TEX29: variants seen among roughly 807,000 people sequenced by gnomAD.
The protein encoded by TEX29 is testis expressed 29.
TEX29 carries 26 observed loss-of-function variants against 18.2 expected under a neutral mutation model. The ratio of observed to expected loss-of-function variants is 1.43; its 90% CI spans 1.04 to 1.98. The LOEUF is 1.98. TEX29 is among the 30% of genes most tolerant of loss of function. TEX29 has a pLI of 0.00. For missense variants in TEX29, 177 were observed against 194.2 expected (o/e 0.91, Z 0.53); for synonymous variants, 83 against 78.5 (o/e 1.06, Z -0.31).
chr13:111,322,565 G>A (rs2093666550), intron 2 of TEX29, among the ~76,000 whole-genome samples: 1 of 152,126 alleles, frequency 6.6e-6, no homozygotes, highest in African/African-American at 2.4e-5. Context: ...GACTGGTGGG[G>A]GTCATCTCAG....
chr13:111,323,286 G>A (rs557786928), intron 2 of TEX29, among the ~76,000 whole-genome samples: 7 of 152,338 alleles, frequency 4.6e-5, no homozygotes, highest in East Asian at 1.9e-4. Context: ...CCTGGATGGC[G>A]GGTGACCTGG....
chr13:111,326,866 C>T (rs1044822439), intron 2 of TEX29, among the ~76,000 whole-genome samples: 3 of 152,150 alleles, frequency 2.0e-5, no homozygotes, highest in Non-Finnish European at 2.9e-5. Flanking sequence ...GAATTGCACT[C>T]CAGGAAAAAG....
intron 2 of TEX29, among the ~76,000 whole-genome samples, chr13:111,321,396 G>A (rs1173526437): frequency 6.6e-6 from 1 of 152,182 alleles, no homozygotes; most frequent in East Asian, 1.9e-4. Context: ...GGGACTGGAA[G>A]GAACCACCGG....
chr13:111,325,332 T>A (rs2093671080), intron 2 of TEX29, among the ~76,000 whole-genome samples: 1 of 152,234 alleles, frequency 6.6e-6, no homozygotes, highest in African/African-American at 2.4e-5. Flanking sequence ...GCTCCAGCCG[T>A]CCTGGCTGTG....
At chr13:111,322,308 C>T (rs144126716) in intron 2 of TEX29, among the ~76,000 whole-genome samples, 2,225 of 152,322 alleles carry the variant, frequency 0.015, 19 homozygotes, top group Non-Finnish European at 0.026. Flanking sequence ...GGGAACGGGC[C>T]GCTCTTGTGG....
At chr13:111,343,399 C>T (rs1406235431) in intron 5 of TEX29, among the ~76,000 whole-genome samples, 1 of 151,884 alleles carries the variant, frequency 6.6e-6, no homozygotes, top group East Asian at 1.9e-4. Context: ...GGTGCCCTGG[C>T]CGCCTGGTGG....
intron 3 of TEX29, among the ~76,000 whole-genome samples, chr13:111,338,419 C>T (rs1202073167): frequency 1.3e-5 from 2 of 152,144 alleles, no homozygotes; most frequent in Non-Finnish European, 2.9e-5. Context: ...GAAAAGAACA[C>T]GGCCCTGCTG....
In TEX29 at chr13:111,339,493, G is replaced by A. The variant is rs1244139934; in HGVS notation, c.170-370G>A. The A allele has an allele frequency of 3.2e-4, 128 of 402,678 alleles. 1 individual carries two copies. Among genetic ancestry groups the A allele is most frequent in the African/African-American group, 9.6e-4 (46 of 48,074 alleles). 24.9% of individuals were successfully genotyped at this position (402,678 alleles called of 1,614,324 possible). ...ACCCCGTGGGTCAGGAGCCAGCGCC[G>A]TCTCTCAATGCACCCCCGGGGGTCA... is the stretch of plus-strand genomic sequence containing the variant. On this transcript the variant is annotated intron_variant, in intron 3 of 5. Transcript: ENST00000283547.
intron 4 of TEX29, 53 bp downstream of exon 4, chr13:111,339,985 C>G: frequency 6.4e-7 from 1 of 1,554,104 alleles, no homozygotes; most frequent in East Asian, 2.2e-5. Flanking sequence ...ACTCACCTCT[C>G]CTGGCCGCAG....
At chr13:111,343,454 T>C (rs2093700030) in intron 5 of TEX29, among the ~76,000 whole-genome samples, 1 of 152,156 alleles carries the variant, frequency 6.6e-6, no homozygotes, top group African/African-American at 2.4e-5. Context: ...GGGTACTCTT[T>C]GTGGTGCCCT....
upstream of TEX29, among the ~76,000 whole-genome samples, chr13:111,318,062 C>A (rs1271223297): frequency 6.6e-6 from 1 of 152,146 alleles, no homozygotes; most frequent in Non-Finnish European, 1.5e-5. Flanking sequence ...TTTGAGGAAA[C>A]ACAGTTCAGC....
At chr13:111,323,828 C>T (rs1728999660) in intron 2 of TEX29, among the ~76,000 whole-genome samples, 1 of 152,232 alleles carries the variant, frequency 6.6e-6, no homozygotes, top group African/African-American at 2.4e-5. Flanking sequence ...ATGCCAGCTC[C>T]CTGAACCTGC....
At chr13:111,343,234 G>A (rs1226143785) in intron 5 of TEX29, among the ~76,000 whole-genome samples, 1 of 152,188 alleles carries the variant, frequency 6.6e-6, no homozygotes, top group African/African-American at 2.4e-5. Context: ...AGCTCCTGGG[G>A]AGGGGGCAAG....
intron 1 of TEX29, 32 bp downstream of exon 1, chr13:111,320,794 G>A: frequency 1.3e-6 from 2 of 1,510,264 alleles, no homozygotes; most frequent in South Asian, 1.1e-5. Context: ...CCTGGTGTGA[G>A]CCGCCCGCTC....
intron 3 of TEX29, among the ~76,000 whole-genome samples, chr13:111,332,183 G>A (rs2093683719): frequency 6.6e-6 from 1 of 152,106 alleles, no homozygotes; most frequent in Non-Finnish European, 1.5e-5. Flanking sequence ...TCCATGAACA[G>A]GGGTAGTCTT....
intron 3 of TEX29, among the ~76,000 whole-genome samples, chr13:111,336,802 G>C (rs7321711): frequency 5.3e-5 from 8 of 152,192 alleles, no homozygotes; most frequent in African/African-American, 1.9e-4. Context: ...GTAATAAATA[G>C]TGTTGCTAGA....
In TEX29 at chr13:111,339,886, T is replaced by C. The variant is rs1392464737; in HGVS notation, c.193T>C (p.Leu65=). Reference sequence around the variant, plus strand: ...AGTTTACATCCACGTGTTCTCTGCCTTGATTGTGATCATCGCTGGGGCCTT... The same window carrying C: ...AGTTTACATCCACGTGTTCTCTGCCCTGATTGTGATCATCGCTGGGGCCTT... The part of the protein sequence containing the change: ...VPIYIHVFSA[L]IVIIAGAFVI... Residue 65 remains leucine, a synonymous_variant, in exon 4 of 6, where the codon TTG becomes CTG. Transcript: ENST00000283547. 1 of 1,614,196 alleles carries C rather than the reference T, an allele frequency of 6.2e-7. No individual in the cohort carries two copies. Among genetic ancestry groups the C allele is most frequent in the East Asian group, 2.2e-5 (1 of 44,888 alleles).
chr13:111,334,292 T>C (rs180837224), intron 3 of TEX29, among the ~76,000 whole-genome samples: 11 of 152,362 alleles, frequency 7.2e-5, no homozygotes, highest in Admixed American at 3.9e-4. Flanking sequence ...ACTAACTCAG[T>C]AAAGTCTTTA....
At chr13:111,341,995 T>A (rs2093697306) in intron 4 of TEX29, among the ~76,000 whole-genome samples, 1 of 152,246 alleles carries the variant, frequency 6.6e-6, no homozygotes, top group Admixed American at 6.5e-5. Flanking sequence ...TCTTGGCCTG[T>A]GGCCTGCGTC....
Sources: allele counts gnomAD v4.1 joint callset (sites outside exome capture counted in the v4.1 genomes callset), GRCh38; gene constraint gnomAD v4.1.1; transcripts MANE v1.5; gene names NCBI Gene and HGNC (gene_info 2026-07-23, HGNC 2026-07-21).